MIR2052HG: variants seen among roughly 807,000 people sequenced by gnomAD.
The protein encoded by MIR2052HG is MIR2052 host gene.
At chr8:74,606,475 A>G (rs1808113690) in intron 1 of MIR2052HG, among the ~76,000 whole-genome samples, 1 of 152,258 alleles carries the variant, frequency 6.6e-6, no homozygotes. Flanking sequence ...AAAATATGTG[A>G]CAATACAATC....
At chr8:74,617,676 C>G (rs1216286654) in intron 2 of MIR2052HG, among the ~76,000 whole-genome samples, 1 of 152,100 alleles carries the variant, frequency 6.6e-6, no homozygotes, top group Non-Finnish European at 1.5e-5. Context: ...CATACAAGTG[C>G]AGGCATCTTT....
intron 4 of MIR2052HG, among the ~76,000 whole-genome samples, chr8:74,733,259 G>A (rs1453030517): frequency 1.3e-5 from 2 of 151,798 alleles, no homozygotes; most frequent in Non-Finnish European, 2.9e-5. Flanking sequence ...AGGCCCCAGA[G>A]TGTGATGTTC....
chr8:74,681,219 TAAAAA>T (rs201204016), intron 2 of MIR2052HG, among the ~76,000 whole-genome samples: 1 of 150,982 alleles, frequency 6.6e-6, no homozygotes, highest in Admixed American at 6.6e-5. Flanking sequence ...ATAATAATAA[TAAAAA>T]AAAGACACAA....
chr8:74,742,331 G>A (rs904785950), intron 4 of MIR2052HG, among the ~76,000 whole-genome samples: 2 of 152,108 alleles, frequency 1.3e-5, no homozygotes, highest in African/African-American at 4.8e-5. Context: ...CAGATGTGAT[G>A]CTCTTCACAA....
chr8:74,697,590 TA>T (rs1053705565), intron 2 of MIR2052HG, among the ~76,000 whole-genome samples: 1 of 152,068 alleles, frequency 6.6e-6, no homozygotes, highest in African/African-American at 2.4e-5. Flanking sequence ...AAGACGCATC[TA>T]AAAAGCTCCT....
At chr8:74,630,268 A>G (rs1808490473) in intron 2 of MIR2052HG, among the ~76,000 whole-genome samples, 1 of 152,150 alleles carries the variant, frequency 6.6e-6, no homozygotes, top group Non-Finnish European at 1.5e-5. Flanking sequence ...AATCTGACAT[A>G]TTTAATCAAT....
At chr8:74,616,375 A>AT (rs1808282412) in intron 2 of MIR2052HG, among the ~76,000 whole-genome samples, 1 of 148,536 alleles carries the variant, frequency 6.7e-6, no homozygotes, top group African/African-American at 2.5e-5. Flanking sequence ...GATGATGAGC[A>AT]TTTTTTTCAT....
intron 4 of MIR2052HG, chr8:74,703,766 C>G (rs1809380574): frequency 2.6e-6 from 1 of 385,890 alleles, no homozygotes; most frequent in African/African-American, 2.1e-5. Context: ...CCTTTCATAC[C>G]ACCATGAGTC....
intron 2 of MIR2052HG, among the ~76,000 whole-genome samples, chr8:74,651,052 G>C (rs1808746055): frequency 1.3e-5 from 2 of 151,838 alleles, no homozygotes; most frequent in African/African-American, 2.4e-5. Flanking sequence ...CTGGTTAATA[G>C]ACTTGGAAAT....
chr8:74,665,295 C>T (rs1019008169), intron 2 of MIR2052HG, among the ~76,000 whole-genome samples: 36 of 152,290 alleles, frequency 2.4e-4, no homozygotes, highest in Admixed American at 3.3e-4. Flanking sequence ...GATATGAACT[C>T]GCATCGATAT....
In MIR2052HG at chr8:74,755,242, G is replaced by A. The variant is rs77253434; in HGVS notation, n.464+2709G>A. ...ATTTTATTTTGGTCTTTACAGTGAC[G>A]TTTATATATTTACAGTTCATCTGCT... On this transcript the variant is annotated intron_variant and non_coding_transcript_variant, in intron 5 of 6. Coordinates refer to ENST00000523442, the Ensembl canonical transcript of MIR2052HG. 7.9e-5 allele frequency among the ~76,000 whole-genome samples: 12 copies of A among 152,292 alleles called. No homozygotes were observed. In the East Asian group the frequency reaches 1.2e-3, roughly 15 times the overall value.
intron 4 of MIR2052HG, among the ~76,000 whole-genome samples, chr8:74,740,791 G>A (rs755020625): frequency 2.0e-5 from 3 of 152,116 alleles, no homozygotes; most frequent in East Asian, 1.9e-4. Context: ...AGTAGATAGC[G>A]TGGTCTCCAG....
chr8:74,729,634 T>C (rs552378092), intron 4 of MIR2052HG, among the ~76,000 whole-genome samples: 5 of 152,232 alleles, frequency 3.3e-5, no homozygotes, highest in Admixed American at 3.3e-4. Flanking sequence ...GTGTTTGAGA[T>C]TGGAAGTGTT....
intron 1 of MIR2052HG, among the ~76,000 whole-genome samples, chr8:74,606,880 A>T: frequency 1.3e-5 from 2 of 152,280 alleles, no homozygotes; most frequent in Admixed American, 1.3e-4. Flanking sequence ...CACAACAAAA[A>T]CATAGCTAGT....
chr8:74,716,654 G>A (rs1809524479), intron 4 of MIR2052HG, among the ~76,000 whole-genome samples: 1 of 152,022 alleles, frequency 6.6e-6, no homozygotes, highest in Non-Finnish European at 1.5e-5. Flanking sequence ...AGGTTGCAGT[G>A]AGCCAAGATC....
Position 74,678,505 on chromosome 8 carries a change from G to A in MIR2052HG, n.217-23874G>A, listed in dbSNP as rs190782447. The stretch of plus-strand genomic sequence containing the variant: ...TTGAACTTGGGAGGTGGAGGTTGCG[G>A]TGAGCTGAGATTGTGCCATTGCACT... On this transcript the variant is annotated intron_variant and non_coding_transcript_variant, in intron 2 of 6. Coordinates refer to ENST00000523442, the Ensembl canonical transcript of MIR2052HG. Among the ~76,000 whole-genome samples, 3 of 149,516 alleles carry A rather than the reference G, an allele frequency of 2.0e-5. No homozygotes were observed. In the Admixed American group the frequency reaches 2.0e-4, roughly 10 times the overall value.
chr8:74,752,375 A>G, intron 4 of MIR2052HG: 1 of 429,920 alleles, frequency 2.3e-6, no homozygotes, highest in African/African-American at 2.1e-5. Context: ...AGAATTTGAT[A>G]ATCCTTAGCA....
At chr8:74,720,211 T>G (rs1267024225) in intron 4 of MIR2052HG, among the ~76,000 whole-genome samples, 1 of 152,204 alleles carries the variant, frequency 6.6e-6, no homozygotes, top group African/African-American at 2.4e-5. Flanking sequence ...TATCATTATT[T>G]CTTTTAACCC....
chr8:74,664,886 A>C (rs954569779), intron 2 of MIR2052HG, among the ~76,000 whole-genome samples: 1 of 152,184 alleles, frequency 6.6e-6, no homozygotes, highest in African/African-American at 2.4e-5. Context: ...AATTGATTTC[A>C]ATCCACCACA....
Sources: allele counts gnomAD v4.1 joint callset (sites outside exome capture counted in the v4.1 genomes callset), GRCh38; gene constraint gnomAD v4.1.1; transcripts MANE v1.5; gene names NCBI Gene and HGNC (gene_info 2026-07-23, HGNC 2026-07-21).